BRAF: variants seen among roughly 807,000 people sequenced by gnomAD.
BRAF encodes serine/threonine-protein kinase B-raf.
Under a neutral mutation model 104.6 loss-of-function variants are expected in BRAF, and 16 were observed. The observed-to-expected ratio is 0.15, with a 90% confidence interval of 0.10 to 0.23. The LOEUF is 0.23. Among genes scored for constraint, BRAF ranks in the 10% least tolerant of loss-of-function variants. The probability of loss-of-function intolerance (pLI) is 1.00; values close to 1 mark genes in which losing one functional copy is unlikely to be tolerated. For synonymous variants in BRAF, 310 were observed against 341.6 expected, an observed-to-expected ratio of 0.91 and a Z score of 1.02; for missense variants, 541 against 937.3, an observed-to-expected ratio of 0.58 and a Z score of 5.52.
At chr7:140,832,546 C>T (rs1195777036) in intron 3 of BRAF, among the ~76,000 whole-genome samples, 2 of 152,130 alleles carry the variant, frequency 1.3e-5, no homozygotes, top group Non-Finnish European at 2.9e-5. Flanking sequence ...GGCAAAATAA[C>T]GTTCTTGAAA....
chr7:140,855,831 C>A (rs1025755738), intron 1 of BRAF, among the ~76,000 whole-genome samples: 1 of 151,338 alleles, frequency 6.6e-6, no homozygotes, highest in African/African-American at 2.4e-5. Flanking sequence ...ACCAGCCTGG[C>A]CAACAAGGCA....
At chr7:140,787,399 A>G (rs911033486) in intron 9 of BRAF, 149 bp downstream of exon 9, 1 of 686,676 alleles carries the variant, frequency 1.5e-6, no homozygotes, top group Non-Finnish European at 2.6e-6. Flanking sequence ...GGTAAATGAC[A>G]AACACTACAG....
chr7:140,761,816 A>C (rs554174006), intron 14 of BRAF, among the ~76,000 whole-genome samples: 1 of 152,210 alleles, frequency 6.6e-6, no homozygotes, highest in Non-Finnish European at 1.5e-5. Flanking sequence ...TGGTAAAGGG[A>C]CCAATTCAAC....
chr7:140,814,549 T>C (rs1804618270), intron 3 of BRAF, among the ~76,000 whole-genome samples: 1 of 151,676 alleles, frequency 6.6e-6, no homozygotes, highest in Non-Finnish European at 1.5e-5. Flanking sequence ...CCTGTCATCC[T>C]GGCTACTAGG....
chr7:140,869,913 CAAG>C (rs1291452979), intron 1 of BRAF, among the ~76,000 whole-genome samples: 1 of 151,992 alleles, frequency 6.6e-6, no homozygotes, highest in African/African-American at 2.4e-5. Flanking sequence ...ACTTTTAACA[CAAG>C]GAAGTAACTT....
chr7:140,869,352 A>G (rs10272940), intron 1 of BRAF, among the ~76,000 whole-genome samples: 45,784 of 152,014 alleles, frequency 0.3, 10,959 homozygotes, highest in African/African-American at 0.67. Context: ...CTGTTTTCTG[A>G]CCAGGCACAG....
rs902993366 is a variant in BRAF at position 140,720,295 on chromosome 7, A to G, written c.*6199T>C. The G allele has an allele frequency of 1.5e-4, 164 of 1,062,582 alleles. No individual in the cohort carries two copies. Among genetic ancestry groups the G allele is most frequent in the Non-Finnish European group, 1.8e-4 (160 of 877,680 alleles). 65.8% of individuals were successfully genotyped at this position (1,062,582 alleles called of 1,614,324 possible). On this transcript the variant is annotated 3_prime_UTR_variant, in exon 20 of 20. Coordinates refer to ENST00000644969, the MANE Select transcript of BRAF (RefSeq NM_001374258.1). ...ATCATGAAGGCCAAACTGAGTCTAT[A>G]TATGTGGCATGGCCAAAGGAAACAC... is the stretch of plus-strand genomic sequence containing the variant.
rs977654094 is a variant in BRAF at position 140,788,197 on chromosome 7, T to C, written c.1141-613A>G. 8.5e-5 allele frequency among the ~76,000 whole-genome samples: 13 copies of C among 152,200 alleles called. 1 individual carries two copies. The highest frequency in any genetic ancestry group is 8.5e-4 in the Admixed American group (13 of 15,282). On this transcript the variant is annotated intron_variant, in intron 8 of 19. Transcript: ENST00000644969. ...CATCAATCCTTAAAAAAAATTATAC[T>C]GGTGCACATTAAGAGAGATAAAAAT...
intron 1 of BRAF, among the ~76,000 whole-genome samples, chr7:140,893,462 G>T (rs563364562): frequency 6.6e-6 from 1 of 152,112 alleles, no homozygotes; most frequent in East Asian, 1.9e-4. Flanking sequence ...TGTTAGCCAG[G>T]ATGGTCTCGA....
chr7:140,826,210 T>C (rs1029618215), intron 3 of BRAF, among the ~76,000 whole-genome samples: 2 of 152,232 alleles, frequency 1.3e-5, no homozygotes, highest in African/African-American at 4.8e-5. Context: ...TAATTTGCTG[T>C]AACTAACTTG....
At chr7:140,835,481 C>G (rs1189837280) in intron 2 of BRAF, 1 of 153,460 alleles carries the variant, frequency 6.5e-6, no homozygotes, top group African/African-American at 2.4e-5. Context: ...AAATACTTTA[C>G]TCTTCTCAGT....
At chr7:140,806,864 C>A (rs1219188021) in intron 5 of BRAF, among the ~76,000 whole-genome samples, 1 of 151,952 alleles carries the variant, frequency 6.6e-6, no homozygotes, top group Non-Finnish European at 1.5e-5. Context: ...AGCATAAACC[C>A]CAAAGGAAAT....
chr7:140,909,703 T>C (rs1007665298), intron 1 of BRAF, among the ~76,000 whole-genome samples: 3 of 152,094 alleles, frequency 2.0e-5, no homozygotes, highest in African/African-American at 4.8e-5. Context: ...TTGTGGTAAC[T>C]GAATTCCTGA....
chr7:140,897,492 TC>T (rs375638921), intron 1 of BRAF, among the ~76,000 whole-genome samples: 183 of 143,360 alleles, frequency 1.3e-3, no homozygotes, highest in African/African-American at 4.9e-3. Flanking sequence ...ATTTCTTTTT[TC>T]TTTTTTTTTT....
Position 140,808,051 on chromosome 7 carries a change from G to A in BRAF, c.620C>T (p.Pro207Leu). ...VYRIQDGEKK[P>L]IGWDTDISWL... ...GGAAATATCAGTGTCCCAACCAATT[G>A]GTTTCTTCTCTCTGAAAAATGTAGA... The change falls in exon 5 of 20, where the codon CCA becomes CTA. Residue 207 changes from proline (P) to leucine (L), a missense_variant. Coordinates refer to ENST00000644969, the MANE Select transcript of BRAF (RefSeq NM_001374258.1). The A allele has an allele frequency of 6.2e-7, 1 of 1,611,964 alleles. No individual in the cohort carries two copies. Among genetic ancestry groups the A allele is most frequent in the African/African-American group, 1.3e-5 (1 of 74,878 alleles).
At chr7:140,796,391 A>C (rs992799518) in intron 7 of BRAF, among the ~76,000 whole-genome samples, 3 of 151,968 alleles carry the variant, frequency 2.0e-5, no homozygotes, top group Middle Eastern at 3.2e-3. Context: ...AAGTATGAAT[A>C]ACTAGAATTG....
chr7:140,789,762 C>T (rs58233801), intron 8 of BRAF, among the ~76,000 whole-genome samples: 12,373 of 152,260 alleles, frequency 0.081, 1,634 homozygotes, highest in African/African-American at 0.28. Flanking sequence ...TGAAGTCTTG[C>T]TCTTGTCACC....
intron 1 of BRAF, among the ~76,000 whole-genome samples, chr7:140,877,264 A>G (rs1812365910): frequency 1.7e-5 from 2 of 115,366 alleles, no homozygotes. Context: ...AGCTTGTGCC[A>G]TTATTTTTTT....
intron 1 of BRAF, among the ~76,000 whole-genome samples, chr7:140,905,133 T>C (rs1316107782): frequency 6.6e-6 from 1 of 152,212 alleles, no homozygotes; most frequent in African/African-American, 2.4e-5. Context: ...TTGGGTAGAA[T>C]GGGTTCTATA....
Sources: gnomAD v4.1 joint callset for allele counts (sites outside exome capture counted in the v4.1 genomes callset) on GRCh38, gnomAD v4.1.1 for gene constraint, MANE v1.5 for transcripts, NCBI Gene and HGNC (gene_info 2026-07-23, HGNC 2026-07-21) for gene names.